MESP1: variants seen among roughly 807,000 people sequenced by gnomAD.
MESP1 encodes the protein mesoderm posterior protein 1.
Under a neutral mutation model 15.2 loss-of-function variants are expected in MESP1, and 22 were observed. The ratio of observed to expected loss-of-function variants is 1.45; its 90% CI spans 1.04 to 2.07. The LOEUF (loss-of-function observed/expected upper bound fraction) is 2.07, where lower values mean the gene tolerates loss of function less well. Among genes scored for constraint, MESP1 ranks in the 30% most tolerant of loss-of-function variants. The pLI is 0.00. For missense variants in MESP1, 484 were observed against 411.9 expected (o/e 1.17, Z -1.51); for synonymous variants, 216 against 192.6 (o/e 1.12, Z -1.01).
chr15:89,747,101 TACACACACACACACACACAC>T (rs539868537), downstream of MESP1, among the ~76,000 whole-genome samples: 57 of 127,580 alleles, frequency 4.5e-4, no homozygotes, highest in East Asian at 1.2e-3. Flanking sequence ...CACTGCCACA[TACACACACACACACACACAC>T]ACACACACAC....
the MESP1 span, chr15:89,733,276 A>G: frequency 6.6e-7 from 1 of 1,524,590 alleles, no homozygotes; most frequent in Non-Finnish European, 9.0e-7. Flanking sequence ...TTTAATTGCT[A>G]TTTGATAGTA....
downstream of MESP1, chr15:89,749,737 G>A (rs1968043220): frequency 1.2e-5 from 2 of 173,682 alleles, no homozygotes; most frequent in South Asian, 2.9e-4. Context: ...CCAGGGCTGG[G>A]GGTAAGGCCA....
rs374676652 is a variant in MESP1 at position 89,750,026 on chromosome 15, C to T, written c.*118G>A. ...GGGACGGCTCTCACCCGCAGGAATGCCCCCGTCGGGATCGCCCGTGCCCTC... is the reference window on the plus strand; with the variant it reads ...GGGACGGCTCTCACCCGCAGGAATGTCCCCGTCGGGATCGCCCGTGCCCTC... On this transcript the variant is annotated 3_prime_UTR_variant, in exon 2 of 2. Transcript: ENST00000300057. 12 of 992,710 alleles carry T rather than the reference C, an allele frequency of 1.2e-5. No homozygotes were observed. In the East Asian group the frequency reaches 2.4e-4, roughly 20 times the overall value. 61.5% of individuals were successfully genotyped at this position (992,710 alleles called of 1,614,324 possible). A position where few individuals can be genotyped will look rare whatever the true frequency, so the allele number is the denominator to read the frequency against.
downstream of MESP1, among the ~76,000 whole-genome samples, chr15:89,745,534 C>T (rs375738885): frequency 5.3e-5 from 8 of 152,204 alleles, no homozygotes; most frequent in East Asian, 1.9e-4. This position sits in a 1 kb window ranked among gnomAD's most constrained non-coding sequence, Gnocchi z 4.8. Flanking sequence ...AAGGCTGAGG[C>T]GGGCGGATCA....
At chr15:89,738,507 A>G in the MESP1 span, among the ~76,000 whole-genome samples, 66 of 151,824 alleles carry the variant, frequency 4.3e-4, no homozygotes, top group African/African-American at 1.4e-3. Flanking sequence ...CATGCCTGTA[A>G]TCCCAGCTAC....
the MESP1 span, chr15:89,732,921 A>T: frequency 7.8e-7 from 1 of 1,285,970 alleles, no homozygotes; most frequent in Non-Finnish European, 1.1e-6. Context: ...CAAGTCCCTC[A>T]CACACTTGCT....
chr15:89,733,222 C>G, the MESP1 span: 1 of 1,611,710 alleles, frequency 6.2e-7, no homozygotes, highest in African/African-American at 1.3e-5. Context: ...GTTGAGAGGT[C>G]AGTAGCTTGA....
At chr15:89,748,189 T>C (rs1968008320), downstream of MESP1, among the ~76,000 whole-genome samples, 1 of 152,202 alleles carries the variant, frequency 6.6e-6, no homozygotes, top group East Asian at 1.9e-4. Flanking sequence ...GCCTTTGCCA[T>C]GCAAATAGAT....
At chr15:89,746,822 A>C (rs199676469), downstream of MESP1, among the ~76,000 whole-genome samples, 163 of 26,872 alleles carry the variant, frequency 6.1e-3, no homozygotes, top group East Asian at 9.4e-3. Context: ...CACCTCCACA[A>C]ACACACAGCC....
the MESP1 span, chr15:89,733,079 G>A: frequency 3.2e-5 from 52 of 1,613,912 alleles, no homozygotes; most frequent in East Asian, 7.8e-4. Context: ...AATATTTCTC[G>A]GTCCACAAAG....
At chr15:89,750,289 G>C in intron 1 of MESP1, 62 bp from the exon 2 acceptor site, 1 of 1,593,010 alleles carries the variant, frequency 6.3e-7, no homozygotes, top group Non-Finnish European at 8.6e-7. Context: ...GGGTGTCCGC[G>C]CTCGTGGGCT....
rs750654865 is a variant in MESP1, at chr15:89,750,624, G to A, written c.608C>T (p.Ser203Phe). ...SAVRAGASWG[S>F]PPACPGARAA... ...TCGGGCTCCGGGGCAGGCAGGCGGG[G>A]ATCCCCAGGACGCCCCGGCGCGGAC... The change falls in exon 1 of 2, where the codon TCC becomes TTC. Residue 203 changes from serine to phenylalanine, a missense_variant. By Grantham distance (155) the Ser-to-Phe change is radical. Transcript: ENST00000300057. 7.2e-7 allele frequency: 1 copy of A among 1,387,158 alleles called. No homozygotes were observed. The highest frequency in any genetic ancestry group is 9.3e-7 in the Non-Finnish European group (1 of 1,079,452). The allele number at this position is 1,387,158 out of a possible 1,614,324, so 85.9% of individuals were successfully genotyped here.
chr15:89,748,290 A>G (rs914042983), downstream of MESP1, among the ~76,000 whole-genome samples: 1 of 152,168 alleles, frequency 6.6e-6, no homozygotes, highest in African/African-American at 2.4e-5. Context: ...AGGAGCAGGA[A>G]AGGGGGTGAC....
the MESP1 span, among the ~76,000 whole-genome samples, chr15:89,734,960 TCTTCCTTCCTTCCTTCCCTCCGTCCCTC>T: frequency 6.6e-6 from 1 of 152,044 alleles, no homozygotes; most frequent in African/African-American, 2.4e-5. Context: ...CTCCAACTTG[TCTTCCTTCCTTCCTTCCCTCCGTCCCTC>T]CTTCCTTCCT....
chr15:89,750,881 GC>G lies in MESP1; in HGVS notation c.350del (p.Gly117AlafsTer4). 6.6e-7 allele frequency: 1 copy of G among 1,506,236 alleles called. No homozygotes were observed. 93.3% of individuals were successfully genotyped at this position (1,506,236 alleles called of 1,614,324 possible). Reference sequence around the variant, plus strand: ...GCGTCTCGATCTTGGTCAGGCTCTGGCCCGCGGGCGCCACGGACGGCGGTAG... The same window carrying G: ...GCGTCTCGATCTTGGTCAGGCTCTGGCCGCGGGCGCCACGGACGGCGGTAG... ...RFLPPSVAPA[G>X]QSLTKIETLR... On this transcript the variant is annotated frameshift_variant, in exon 1 of 2. Coordinates refer to ENST00000300057, the MANE Select transcript of MESP1 (RefSeq NM_018670.4). LOFTEE classifies it high-confidence loss of function.
At chr15:89,736,233 G>A in the MESP1 span, among the ~76,000 whole-genome samples, 1 of 152,218 alleles carries the variant, frequency 6.6e-6, no homozygotes, top group African/African-American at 2.4e-5. Flanking sequence ...GGAGAGGGAA[G>A]CGTGCGCGGT....
chr15:89,750,277 G>A (rs1448227661), intron 1 of MESP1, 50 bp from the exon 2 acceptor site: 1 of 1,602,024 alleles, frequency 6.2e-7, no homozygotes, highest in Non-Finnish European at 8.5e-7. Flanking sequence ...GTGGCCTTGT[G>A]CGGGTGTCCG....
downstream of MESP1, among the ~76,000 whole-genome samples, chr15:89,745,297 C>T (rs1466091353): frequency 1.3e-5 from 2 of 152,128 alleles, no homozygotes; most frequent in Non-Finnish European, 2.9e-5. This position sits in a 1 kb window ranked among gnomAD's most constrained non-coding sequence, Gnocchi z 4.8. Flanking sequence ...ACCAGCGGGA[C>T]GAGGGAGAAG....
chr15:89,741,481 G>A, the MESP1 span, among the ~76,000 whole-genome samples: 1 of 152,134 alleles, frequency 6.6e-6, no homozygotes, highest in Admixed American at 6.6e-5. Flanking sequence ...TCCCACCTGG[G>A]CCTTACAAAT....
Sources: allele counts gnomAD v4.1 joint callset (sites outside exome capture counted in the v4.1 genomes callset), GRCh38; gene constraint gnomAD v4.1.1; non-coding constraint Gnocchi (gnomAD v3.1); transcripts MANE v1.5; gene names NCBI Gene and HGNC (gene_info 2026-07-23, HGNC 2026-07-21).